The following GLIS3 variants were observed in gnomAD, a reference collection of about 807,000 sequenced individuals.
The protein encoded by GLIS3 is zinc finger protein GLIS3.
GLIS3 carries 53 observed loss-of-function variants against 78.6 expected under a neutral mutation model. That is an observed-to-expected ratio of 0.67 (90% CI 0.54 to 0.85). The LOEUF (loss-of-function observed/expected upper bound fraction) is 0.85. GLIS3 is among the 40% of genes least tolerant of loss of function. The pLI, the probability that GLIS3 is intolerant of heterozygous loss-of-function variation, is 0.00. For missense variants in GLIS3, 1,703 were observed against 1,231.1 expected (o/e 1.38, Z -5.74); for synonymous variants, 684 against 509.9 (o/e 1.34, Z -4.60).
intron 2 of GLIS3, among the ~76,000 whole-genome samples, chr9:4,174,277 T>C (rs976695272): frequency 6.6e-6 from 1 of 152,220 alleles, no homozygotes; most frequent in African/African-American, 2.4e-5. Flanking sequence ...TCATGTATTA[T>C]ACCTACTTAA....
chr9:3,962,002 T>C (rs1817588525), intron 4 of GLIS3, among the ~76,000 whole-genome samples: 1 of 152,088 alleles, frequency 6.6e-6, no homozygotes, highest in Non-Finnish European at 1.5e-5. Flanking sequence ...GTCAGGAGTT[T>C]GAAAACACCC....
At chr9:4,419,823 C>A in the GLIS3 span, among the ~76,000 whole-genome samples, 1 of 151,964 alleles carries the variant, frequency 6.6e-6, no homozygotes, top group African/African-American at 2.4e-5. Context: ...ACAACCAGAT[C>A]TCATGAGAAC....
At chr9:4,262,134 T>C (rs1825589153) in intron 2 of GLIS3, among the ~76,000 whole-genome samples, 2 of 151,868 alleles carry the variant, frequency 1.3e-5, no homozygotes, top group African/African-American at 4.8e-5. Context: ...TGAAGAGTGC[T>C]CTCGGATCTG....
chr9:3,992,735 G>C (rs965980094), intron 4 of GLIS3, among the ~76,000 whole-genome samples: 5 of 152,152 alleles, frequency 3.3e-5, no homozygotes, highest in African/African-American at 1.2e-4. Flanking sequence ...CCTTTGTAAA[G>C]GTATCCCTCT....
intron 2 of GLIS3, among the ~76,000 whole-genome samples, chr9:4,272,139 G>C (rs914950805): frequency 6.6e-6 from 1 of 152,104 alleles, no homozygotes; most frequent in Non-Finnish European, 1.5e-5. Context: ...TTCCCTTTCA[G>C]TTCTAATTGC....
rs191871798 is a variant in GLIS3, at chr9:4,274,011, C to T, written c.388+12027G>A. ...TCCTTGCATAGGACATTCTCCTACTCCAGGACATGTGGCCGAGTCTGCCCT... is the reference window on the plus strand; with the variant it reads ...TCCTTGCATAGGACATTCTCCTACTTCAGGACATGTGGCCGAGTCTGCCCT... On this transcript the variant is annotated intron_variant, in intron 2 of 10. Transcript: ENST00000381971. Among the ~76,000 whole-genome samples, 44 of 152,318 alleles carry T rather than the reference C, an allele frequency of 2.9e-4. 1 individual carries two copies. The East Asian group carries it at 8.1e-3, about 28-fold the overall frequency.
chr9:4,450,366 G>A, the GLIS3 span, among the ~76,000 whole-genome samples: 5,747 of 152,208 alleles, frequency 0.038, 394 homozygotes, highest in African/African-American at 0.13. Context: ...CTAAATCTAC[G>A]TTTGATTGGT....
chr9:3,938,969 C>T (rs774466618), intron 4 of GLIS3, among the ~76,000 whole-genome samples: 4 of 152,198 alleles, frequency 2.6e-5, no homozygotes, highest in Admixed American at 6.5e-5. Flanking sequence ...AATGACGACT[C>T]AGAGAAAACT....
At chr9:4,167,314 A>C (rs79018560) in intron 2 of GLIS3, among the ~76,000 whole-genome samples, 4,892 of 152,310 alleles carry the variant, frequency 0.032, 93 homozygotes, top group Middle Eastern at 0.092. Flanking sequence ...ACTGAGTGAA[A>C]TTGCTAAATT....
chr9:4,432,638 CTTTTT>C, the GLIS3 span, among the ~76,000 whole-genome samples: 1 of 113,536 alleles, frequency 8.8e-6, no homozygotes, highest in Non-Finnish European at 1.8e-5. Context: ...TTTTTATTTC[CTTTTT>C]TTTTTTTTTT....
chr9:4,379,040 T>C, the GLIS3 span, among the ~76,000 whole-genome samples: 2 of 152,316 alleles, frequency 1.3e-5, no homozygotes, highest in African/African-American at 4.8e-5. Context: ...CCGTGCTGTT[T>C]TCAAGTGCTT....
intron 2 of GLIS3, among the ~76,000 whole-genome samples, chr9:4,206,183 G>C (rs1275753041): frequency 6.6e-6 from 1 of 152,092 alleles, no homozygotes; most frequent in Non-Finnish European, 1.5e-5. Context: ...ATCTGGAAAG[G>C]GAATCTTAAT....
At chr9:3,879,720 G>A (rs1821602989) in intron 7 of GLIS3, 125 bp from the exon 8 acceptor site, 1 of 991,568 alleles carries the variant, frequency 1.0e-6, no homozygotes, top group Non-Finnish European at 1.5e-6. Context: ...GGTTTTCAGG[G>A]AACAGTTCTC....
intron 8 of GLIS3, among the ~76,000 whole-genome samples, chr9:3,875,893 A>G (rs1821277663): frequency 6.6e-6 from 1 of 152,128 alleles, no homozygotes; most frequent in South Asian, 2.1e-4. Context: ...CCCTTCCATG[A>G]TTATTTACAT....
intron 1 of GLIS3, among the ~76,000 whole-genome samples, chr9:4,298,045 A>C (rs934298480): frequency 2.0e-5 from 3 of 152,080 alleles, no homozygotes; most frequent in Non-Finnish European, 2.9e-5. Context: ...CCCGTGCGCG[A>C]GCGAGCGAGG....
In GLIS3 at chr9:4,334,742, A is replaced by T. The variant is rs191151360; in HGVS notation, n.264+12339T>A. 3.3e-5 allele frequency among the ~76,000 whole-genome samples: 5 copies of T among 152,212 alleles called. No homozygotes were observed. The South Asian group carries it at 8.3e-4, about 25-fold the overall frequency. On this transcript the variant is annotated intron_variant and non_coding_transcript_variant, in intron 2 of 4. Coordinates refer to the GLIS3 transcript ENST00000471664. ...TGAGTCACAGCATTCATTCTCACAC[A>T]CAAAGGTGCTACAGAAGGCCACTTA...
At chr9:4,130,106 T>TAAGCAGCG (rs1246623159) in intron 2 of GLIS3, among the ~76,000 whole-genome samples, 1 of 152,224 alleles carries the variant, frequency 6.6e-6, no homozygotes, top group African/African-American at 2.4e-5. Context: ...AAGAAATTTC[T>TAAGCAGCG]AAGCAGCGAA....
intron 2 of GLIS3, among the ~76,000 whole-genome samples, chr9:4,320,663 C>T (rs1381417220): frequency 6.6e-6 from 1 of 152,044 alleles, no homozygotes; most frequent in African/African-American, 2.4e-5. Flanking sequence ...ACCATCACTA[C>T]CTCCATCATC....
intron 2 of GLIS3, among the ~76,000 whole-genome samples, chr9:4,202,634 G>C (rs1477747671): frequency 2.0e-5 from 3 of 151,956 alleles, no homozygotes; most frequent in Non-Finnish European, 4.4e-5. Context: ...CAGACCAATG[G>C]AATAGAATAG....
Sources: allele counts gnomAD v4.1 joint callset (sites outside exome capture counted in the v4.1 genomes callset), GRCh38; gene constraint gnomAD v4.1.1; transcripts MANE v1.5; gene names NCBI Gene and HGNC (gene_info 2026-07-23, HGNC 2026-07-21).